Variants in CATSPERE observed in about 807,000 individuals in gnomAD.
CATSPERE encodes cation channel sperm-associated auxiliary subunit epsilon.
Under a neutral mutation model 114.1 loss-of-function variants are expected in CATSPERE, and 93 were observed. The ratio of observed to expected loss-of-function variants is 0.81; its 90% confidence interval spans 0.69 to 0.97. The LOEUF (loss-of-function observed/expected upper bound fraction) is 0.97. Among genes scored for constraint, CATSPERE ranks in the 50% least tolerant of loss-of-function variants. The pLI is 0.00. For synonymous variants in CATSPERE, 341 were observed against 384.1 expected, an observed-to-expected ratio of 0.89 and a Z score of 1.31; for missense variants, 1,058 against 1,131.6, an observed-to-expected ratio of 0.93 and a Z score of 0.93.
rs1667201879 is a variant in CATSPERE at position 244,463,943 on chromosome 1, G to C, written c.101G>C (p.Ser34Thr). ...AACAGCCCAAACTATCGCATTTTTA[G>C]TACCAGAAGTACTGTAAGTGTTGAA... ...STNSPNYRIFSTRSTIKLEYE... is the reference protein window; with the variant it reads ...STNSPNYRIFTTRSTIKLEYE... Residue 34 changes from serine (S) to threonine (T), a missense_variant, in exon 2 of 22, where the codon AGT becomes ACT. Ser to Thr is a moderately conservative substitution (Grantham distance 58, BLOSUM62 1). Coordinates refer to ENST00000366534, the MANE Select transcript of CATSPERE (RefSeq NM_001130957.2). 2 of 1,600,882 alleles carry C rather than the reference G, an allele frequency of 1.2e-6. No homozygotes were observed. Among genetic ancestry groups the C allele is most frequent in the Non-Finnish European group, 1.7e-6 (2 of 1,168,382 alleles).
chr1:244,534,144 C>G (rs1310774609), intron 8 of CATSPERE, among the ~76,000 whole-genome samples: 4 of 152,128 alleles, frequency 2.6e-5, no homozygotes, highest in Non-Finnish European at 5.9e-5. Context: ...ATTGGACCTC[C>G]ATTGTATGTT....
intron 17 of CATSPERE, among the ~76,000 whole-genome samples, chr1:244,595,747 C>T (rs1462470394): frequency 2.0e-5 from 3 of 152,102 alleles, no homozygotes; most frequent in East Asian, 3.9e-4. Context: ...CTGGCTAACA[C>T]AGTGAAACCC....
chr1:244,488,109 T>G (rs1671381736), intron 5 of CATSPERE, among the ~76,000 whole-genome samples: 1 of 152,234 alleles, frequency 6.6e-6, no homozygotes, highest in African/African-American at 2.4e-5. Context: ...TCCATGGAGT[T>G]GTGCTGAAAC....
chr1:244,495,158 G>A (rs910669140), intron 6 of CATSPERE, among the ~76,000 whole-genome samples: 11 of 152,116 alleles, frequency 7.2e-5, no homozygotes, highest in African/African-American at 2.7e-4. Flanking sequence ...GAATTTAAGA[G>A]CAGGAAAAGG....
chr1:244,572,836 T>A, intron 11 of CATSPERE, 64 bp downstream of exon 11: 14 of 1,092,514 alleles, frequency 1.3e-5, no homozygotes, highest in Non-Finnish European at 1.6e-5. Context: ...ATATTAACAT[T>A]TTTGTAAATG....
chr1:244,548,972 T>C (rs1660183239), intron 8 of CATSPERE, among the ~76,000 whole-genome samples: 1 of 152,156 alleles, frequency 6.6e-6, no homozygotes, highest in South Asian at 2.1e-4. Context: ...CCTCACCACT[T>C]TGGGCTCCTC....
At chr1:244,527,968 C>T (rs1678925916) in intron 8 of CATSPERE, among the ~76,000 whole-genome samples, 1 of 152,122 alleles carries the variant, frequency 6.6e-6, no homozygotes, top group African/African-American at 2.4e-5. Flanking sequence ...TATTTTTTCT[C>T]TTCAACTTTT....
intron 13 of CATSPERE, 114 bp downstream of exon 13, chr1:244,584,053 ATACCTCCATAGAG>A (rs1666660023): frequency 4.4e-5 from 31 of 709,652 alleles, no homozygotes; most frequent in Non-Finnish European, 6.3e-5. Context: ...CCTCCATACA[ATACCTCCATAGAG>A]TACCATCCTC....
At chr1:244,546,492 C>T (rs1201449564) in intron 8 of CATSPERE, among the ~76,000 whole-genome samples, 1 of 152,170 alleles carries the variant, frequency 6.6e-6, no homozygotes, top group East Asian at 1.9e-4. Context: ...CAATGACTGG[C>T]CCTAAAGAGA....
At chr1:244,462,068 G>T (rs577811984) in intron 1 of CATSPERE, among the ~76,000 whole-genome samples, 2 of 152,084 alleles carry the variant, frequency 1.3e-5, no homozygotes, top group East Asian at 3.9e-4. Context: ...CCTCCTGCCG[G>T]GGCCTCCCAA....
At chr1:244,467,746 C>G (rs568611007) in intron 2 of CATSPERE, among the ~76,000 whole-genome samples, 3 of 152,184 alleles carry the variant, frequency 2.0e-5, no homozygotes, top group Non-Finnish European at 4.4e-5. Context: ...TGTGTATTCA[C>G]ATAGTAGGAT....
At chr1:244,466,331 T>C (rs546983341) in intron 2 of CATSPERE, among the ~76,000 whole-genome samples, 1 of 152,306 alleles carries the variant, frequency 6.6e-6, no homozygotes, top group African/African-American at 2.4e-5. Context: ...AAAATTTTCA[T>C]TGTATGGAAC....
At chr1:244,581,426 T>C (rs1241859166) in intron 11 of CATSPERE, among the ~76,000 whole-genome samples, 1 of 152,242 alleles carries the variant, frequency 6.6e-6, no homozygotes, top group Non-Finnish European at 1.5e-5. Flanking sequence ...TTCTGTCAGG[T>C]AGAATTACTT....
At position 244,530,052 on chromosome 1, in the gene CATSPERE, A is replaced by G. The variant is rs528336674; in HGVS notation, c.536+11354A>G. Among the ~76,000 whole-genome samples, 27 of 152,162 alleles carry G rather than the reference A, an allele frequency of 1.8e-4. No homozygotes were observed. In the South Asian group the frequency reaches 2.1e-3, roughly 12 times the overall value. The stretch of plus-strand genomic sequence containing the variant: ...AACCTCCACCTCCCATGTTCAAGCA[A>G]TTCTCCTGCCTCAGCCTCCGAGTAG... On this transcript the variant is annotated intron_variant, in intron 8 of 21. Coordinates refer to ENST00000366534, the MANE Select transcript of CATSPERE (RefSeq NM_001130957.2).
chr1:244,616,940 A>C (rs914346933), intron 19 of CATSPERE, among the ~76,000 whole-genome samples: 1 of 152,246 alleles, frequency 6.6e-6, no homozygotes, highest in Admixed American at 6.5e-5. Flanking sequence ...ACAGGATCTA[A>C]GAGGACCCAG....
intron 6 of CATSPERE, among the ~76,000 whole-genome samples, chr1:244,497,816 T>A (rs1673363315): frequency 6.6e-6 from 1 of 151,902 alleles, no homozygotes; most frequent in South Asian, 2.1e-4. Flanking sequence ...TAAATAAAAA[T>A]TTTAAAAAAT....
At chr1:244,581,403 C>G (rs1451699506) in intron 11 of CATSPERE, among the ~76,000 whole-genome samples, 1 of 152,044 alleles carries the variant, frequency 6.6e-6, no homozygotes, top group Non-Finnish European at 1.5e-5. Flanking sequence ...TCCTGAAAAG[C>G]ACATATAAAC....
chr1:244,611,330 C>T (rs561766546), intron 19 of CATSPERE, among the ~76,000 whole-genome samples: 88 of 150,404 alleles, frequency 5.9e-4, no homozygotes, highest in Non-Finnish European at 1.2e-3. Flanking sequence ...TGGCTCACAC[C>T]TGTAATCCTA....
chr1:244,611,161 T>A (rs2148692664), intron 19 of CATSPERE, among the ~76,000 whole-genome samples: 1 of 152,364 alleles, frequency 6.6e-6, no homozygotes, highest in Non-Finnish European at 1.5e-5. Context: ...CTTACTAGAA[T>A]GTAAGCTCCA....
Sources: gnomAD v4.1 joint callset for allele counts (sites outside exome capture counted in the v4.1 genomes callset) on GRCh38, gnomAD v4.1.1 for gene constraint, MANE v1.5 for transcripts, NCBI Gene and HGNC (gene_info 2026-07-23, HGNC 2026-07-21) for gene names.